KIF4A: variants seen among roughly 807,000 people sequenced by gnomAD.
KIF4A encodes kinesin family member 4A.
KIF4A carries 7 observed loss-of-function variants against 105.9 expected under a neutral mutation model. The observed-to-expected ratio is 0.07, with a 90% CI of 0.04 to 0.12. The LOEUF is 0.12. Ranked by LOEUF, KIF4A falls within the 10% of genes least tolerant of loss-of-function variation. The pLI, the probability that KIF4A is intolerant of heterozygous loss-of-function variation, is 1.00. For synonymous variants in KIF4A, 281 were observed against 331.3 expected (o/e 0.85, Z 1.65); for missense variants, 558 against 929.2 (o/e 0.60, Z 5.19).
chrX:70,309,781 T>A (rs1208894965), intron 7 of KIF4A, among the ~76,000 whole-genome samples: 1 of 112,809 alleles, frequency 8.9e-6, no homozygotes, highest in Admixed American at 9.4e-5. Flanking sequence ...CAGTGACTCA[T>A]GCCTGTAATC....
intron 20 of KIF4A, among the ~76,000 whole-genome samples, chrX:70,389,776 T>TGCAG (rs1395997047): frequency 9.0e-6 from 1 of 111,310 alleles, no homozygotes; most frequent in African/African-American, 3.3e-5. Context: ...AAGTCTTGAA[T>TGCAG]GCAGTTGCTT....
At chrX:70,397,625 CTT>C (rs2086265186) in intron 22 of KIF4A, among the ~76,000 whole-genome samples, 1 of 111,846 alleles carries the variant, frequency 8.9e-6, no homozygotes, top group Admixed American at 9.5e-5. Flanking sequence ...TACACAGGCT[CTT>C]CTAATCATGA....
chrX:70,347,961 C>T (rs993208532), intron 13 of KIF4A, among the ~76,000 whole-genome samples: 4 of 10,067 alleles, frequency 4.0e-4, no homozygotes, highest in African/African-American at 7.3e-4. Flanking sequence ...GGCGACAGAG[C>T]GAGACTCCGT....
chrX:70,335,822 A>G (rs1410715618), intron 10 of KIF4A, among the ~76,000 whole-genome samples: 2 of 111,860 alleles, frequency 1.8e-5, no homozygotes, highest in African/African-American at 6.5e-5. Context: ...GTGAGAAACT[A>G]CTTAATGCAT....
chrX:70,359,690 G>A (rs1401729211), intron 15 of KIF4A, among the ~76,000 whole-genome samples: 1 of 110,407 alleles, frequency 9.1e-6, no homozygotes, highest in Non-Finnish European at 1.9e-5. Context: ...AGGCAAAGGT[G>A]AAGGGTACTG....
intron 15 of KIF4A, among the ~76,000 whole-genome samples, chrX:70,370,422 T>A (rs2086125825): frequency 9.3e-6 from 1 of 107,405 alleles, no homozygotes; most frequent in African/African-American, 3.3e-5. Context: ...GTTACTTCTA[T>A]AAGTAAAAAT....
rs1397198739 is a variant in KIF4A at position 70,333,654 on chromosome X, A to G, written c.1098A>G (p.Leu366=). The change falls in exon 10 of 31, where the codon CTA becomes CTG. Residue 366 remains leucine, a synonymous_variant. Coordinates refer to ENST00000374403, the MANE Select transcript of KIF4A (RefSeq NM_012310.5). ...QQVQQLQVLL[L]QAHGGTLPGS... ...TACAACAGCTACAAGTCTTGTTGCTACAGGCCCATGGAGGTACCCTGCCTG... is the reference window on the plus strand; with the variant it reads ...TACAACAGCTACAAGTCTTGTTGCTGCAGGCCCATGGAGGTACCCTGCCTG... The G allele has an allele frequency of 8.3e-7, 1 of 1,203,427 alleles. No individual in the cohort carries two copies. Among genetic ancestry groups the G allele is most frequent in the Non-Finnish European group, 1.1e-6 (1 of 888,089 alleles).
At chrX:70,307,251 G>A (rs1390459692) in intron 7 of KIF4A, among the ~76,000 whole-genome samples, 1 of 108,886 alleles carries the variant, frequency 9.2e-6, no homozygotes, top group Non-Finnish European at 1.9e-5. Context: ...CAATGCTATT[G>A]TAAATGCAAT....
At chrX:70,373,184 A>G (rs1027073917) in intron 15 of KIF4A, among the ~76,000 whole-genome samples, 6 of 108,945 alleles carry the variant, frequency 5.5e-5, no homozygotes, top group Admixed American at 1.0e-4. Flanking sequence ...AGGTGGGAGG[A>G]TCACTTGAGC....
chrX:70,341,962 C>G (rs1233974256), intron 11 of KIF4A, 31 bp downstream of exon 11: 3 of 1,187,918 alleles, frequency 2.5e-6, no homozygotes, highest in Non-Finnish European at 2.3e-6. Flanking sequence ...TACTAGCAAT[C>G]TGAACATTTA....
Position 70,314,360 on chromosome X carries a change from G to A in KIF4A, c.778+11962G>A, listed in dbSNP as rs749289177. ...CATGTTGCATTACTGTGGATTGGGGGAAAGGAGATGTACCCAAGTGTCAGA... is the reference window on the plus strand; with the variant it reads ...CATGTTGCATTACTGTGGATTGGGGAAAAGGAGATGTACCCAAGTGTCAGA... On this transcript the variant is annotated intron_variant, in intron 7 of 30. Coordinates refer to ENST00000374403, the MANE Select transcript of KIF4A (RefSeq NM_012310.5). Among the ~76,000 whole-genome samples, 6 of 112,144 alleles carry A rather than the reference G, an allele frequency of 5.4e-5. No individual in the cohort carries two copies. In the South Asian group the frequency reaches 1.1e-3, roughly 21 times the overall value.
At chrX:70,406,721 T>A (rs5980699) in intron 27 of KIF4A, among the ~76,000 whole-genome samples, 172 bp from the exon 28 acceptor site, 1,866 of 111,942 alleles carry the variant, frequency 0.017, 36 homozygotes, top group African/African-American at 0.057. Flanking sequence ...TGCAAAGCCA[T>A]AGGCTAAAGC....
intron 13 of KIF4A, among the ~76,000 whole-genome samples, chrX:70,347,836 G>A (rs1029937602): frequency 1.5e-4 from 15 of 97,339 alleles, no homozygotes; most frequent in East Asian, 3.3e-4. Context: ...TTAGCCGGGC[G>A]TGGTAGCGGG....
At chrX:70,392,523 C>T (rs1192809164) in intron 20 of KIF4A, among the ~76,000 whole-genome samples, 1 of 110,327 alleles carries the variant, frequency 9.1e-6, no homozygotes, top group Non-Finnish European at 1.9e-5. Flanking sequence ...CAGCCAGGTG[C>T]GATTGTTTAT....
intron 10 of KIF4A, among the ~76,000 whole-genome samples, chrX:70,338,681 G>A (rs1168064825): frequency 2.7e-5 from 3 of 111,862 alleles, no homozygotes; most frequent in Non-Finnish European, 5.6e-5. Context: ...TGGGTCATAT[G>A]TTTAACTTTT....
intron 7 of KIF4A, among the ~76,000 whole-genome samples, chrX:70,325,530 G>A (rs1244891151): frequency 4.5e-5 from 5 of 111,164 alleles, no homozygotes; most frequent in Non-Finnish European, 9.4e-5. Context: ...CACCCGCTTC[G>A]GCCCCCCAAA....
At chrX:70,418,733 T>G (rs2086354063) in intron 29 of KIF4A, among the ~76,000 whole-genome samples, 1 of 111,961 alleles carries the variant, frequency 8.9e-6, no homozygotes, top group Non-Finnish European at 1.9e-5. Flanking sequence ...CTAATGATGA[T>G]TCATCATGCA....
intron 6 of KIF4A, 92 bp from the exon 7 acceptor site, chrX:70,302,212 A>G (rs2085807022): frequency 9.0e-7 from 1 of 1,111,825 alleles, no homozygotes; most frequent in Non-Finnish European, 1.2e-6. Context: ...GACTGACTTG[A>G]AAGAAAATGA....
chrX:70,392,629 CTATT>C (rs2086241581), intron 20 of KIF4A, among the ~76,000 whole-genome samples: 1 of 109,580 alleles, frequency 9.1e-6, no homozygotes, highest in Non-Finnish European at 1.9e-5. Context: ...GAACACATCT[CTATT>C]TTTTTTTTAA....
Sources: allele counts gnomAD v4.1 joint callset (sites outside exome capture counted in the v4.1 genomes callset), GRCh38; gene constraint gnomAD v4.1.1; transcripts MANE v1.5; gene names NCBI Gene and HGNC (gene_info 2026-07-23, HGNC 2026-07-21).